MMS22L: variants seen among roughly 807,000 people sequenced by gnomAD.
MMS22L encodes MMS22 like, DNA repair protein.
MMS22L carries 74 observed loss-of-function variants against 159.1 expected under a neutral mutation model. The ratio of observed to expected loss-of-function variants is 0.47; its 90% CI spans 0.39 to 0.56. The LOEUF (loss-of-function observed/expected upper bound fraction) is 0.56. Among genes scored for constraint, MMS22L ranks in the 20% least tolerant of loss-of-function variants. MMS22L has a pLI of 0.00. For synonymous variants in MMS22L, 517 were observed against 506.9 expected, an observed-to-expected ratio of 1.02 and a Z score of -0.27; for missense variants, 1,351 against 1,422.1, an observed-to-expected ratio of 0.95 and a Z score of 0.80.
chr6:97,202,161 G>A (rs925393897), intron 14 of MMS22L, among the ~76,000 whole-genome samples: 4 of 152,092 alleles, frequency 2.6e-5, no homozygotes, highest in Non-Finnish European at 2.9e-5. Context: ...CTAAACAACT[G>A]AGTAATCACT....
Position 97,144,600 on chromosome 6 carries a change from C to T in MMS22L, c.*2206G>A, listed in dbSNP as rs976580791. The T allele has an allele frequency of 6.6e-6, 1 of 151,996 alleles. No homozygotes were observed. Among genetic ancestry groups the T allele is most frequent in the Non-Finnish European group, 1.5e-5 (1 of 68,010 alleles). The allele number at this position is 151,996 out of a possible 1,614,324, so 9.4% of individuals were successfully genotyped here. On this transcript the variant is annotated 3_prime_UTR_variant, in exon 25 of 25. Coordinates refer to ENST00000683635, the MANE Select transcript of MMS22L (RefSeq NM_001350599.2). ...CCAAAAGACAATGGCTTGTATTACACTGGTAGAAGCAGCAGCCTCAGAAAT... is the reference window on the plus strand; with the variant it reads ...CCAAAAGACAATGGCTTGTATTACATTGGTAGAAGCAGCAGCCTCAGAAAT...
At chr6:97,181,788 A>C in intron 16 of MMS22L, 116 bp downstream of exon 16, 1 of 1,034,340 alleles carries the variant, frequency 9.7e-7, no homozygotes, top group Non-Finnish European at 1.3e-6. Context: ...AAACCTGACA[A>C]AGTGAGAGTA....
intron 12 of MMS22L, among the ~76,000 whole-genome samples, chr6:97,232,356 T>C (rs1810963377): frequency 6.6e-6 from 1 of 152,202 alleles, no homozygotes; most frequent in Admixed American, 6.5e-5. Flanking sequence ...TGGTGACTTC[T>C]AATTCTATCA....
rs376204308 is a variant in MMS22L, at chr6:97,282,283, A to C, written c.164+31T>G. On this transcript the variant is annotated intron_variant, in intron 2 of 24. Transcript: ENST00000683635. Reference sequence around the variant, plus strand: ...TCCTAAAAAACTGGTGAATAATCAGATGAGGGAAAATGTCTCTGAGTTTTA... The same window carrying C: ...TCCTAAAAAACTGGTGAATAATCAGCTGAGGGAAAATGTCTCTGAGTTTTA... 1.6e-5 allele frequency: 26 copies of C among 1,606,166 alleles called. No individual in the cohort carries two copies. The African/African-American group carries it at 3.1e-4, about 19-fold the overall frequency.
intron 14 of MMS22L, among the ~76,000 whole-genome samples, chr6:97,211,316 T>C (rs143658369): frequency 5.7e-4 from 86 of 152,190 alleles, no homozygotes; most frequent in African/African-American, 2.0e-3. Context: ...ACGTAATGTA[T>C]AGAAGATTGA....
intron 16 of MMS22L, among the ~76,000 whole-genome samples, chr6:97,179,905 A>T (rs989385765): frequency 8.5e-5 from 13 of 152,234 alleles, no homozygotes; most frequent in African/African-American, 3.1e-4. Context: ...TGAGATAATA[A>T]TGAAGGAAGT....
intron 9 of MMS22L, chr6:97,259,433 C>T (rs1467956856): frequency 1.3e-5 from 2 of 152,066 alleles, no homozygotes; most frequent in Non-Finnish European, 2.9e-5. Context: ...GGGTGCCATC[C>T]AATCAATTAG....
intron 14 of MMS22L, among the ~76,000 whole-genome samples, chr6:97,200,666 T>C (rs896096851): frequency 2.6e-5 from 4 of 151,848 alleles, no homozygotes; most frequent in African/African-American, 9.7e-5. Context: ...AAGTGGTGAG[T>C]AAAAGACCTG....
intron 10 of MMS22L, among the ~76,000 whole-genome samples, chr6:97,252,494 A>G (rs1813344931): frequency 6.6e-6 from 1 of 151,726 alleles, no homozygotes; most frequent in Admixed American, 6.6e-5. Flanking sequence ...AAAATACAAA[A>G]ATTAGCTGGG....
In MMS22L at chr6:97,228,166, C is replaced by T. The variant is rs1450550517; in HGVS notation, c.2039+728G>A. On this transcript the variant is annotated intron_variant, in intron 14 of 24. Coordinates refer to ENST00000683635, the MANE Select transcript of MMS22L (RefSeq NM_001350599.2). ...ATGCTTCAGTAAAAGCCACCTCAGA[C>T]ATGAGCTCATGATCTTGCTCAGAAT... 7.2e-5 allele frequency among the ~76,000 whole-genome samples: 11 copies of T among 152,300 alleles called. No individual in the cohort carries two copies. In the East Asian group the frequency reaches 1.5e-3, roughly 21 times the overall value.
intron 2 of MMS22L, among the ~76,000 whole-genome samples, 198 bp from the exon 3 acceptor site, chr6:97,281,560 C>T (rs1446576395): frequency 1.3e-5 from 2 of 152,076 alleles, no homozygotes; most frequent in Admixed American, 6.5e-5. Context: ...ATAAAATGTA[C>T]GACTAAAGTG....
chr6:97,278,707 T>C (rs1816474029), intron 4 of MMS22L, 142 bp downstream of exon 4: 1 of 589,548 alleles, frequency 1.7e-6, no homozygotes, highest in Non-Finnish European at 2.9e-6. Flanking sequence ...GTCATACTTT[T>C]CTGAACACTA....
intron 10 of MMS22L, among the ~76,000 whole-genome samples, chr6:97,252,070 G>A (rs1258732811): frequency 6.0e-5 from 9 of 149,034 alleles, no homozygotes; most frequent in Non-Finnish European, 1.0e-4. Context: ...GCGACAGAGC[G>A]AGACTCCATC....
chr6:97,204,212 G>A (rs755378507), intron 14 of MMS22L, among the ~76,000 whole-genome samples: 1 of 152,166 alleles, frequency 6.6e-6, no homozygotes, highest in Non-Finnish European at 1.5e-5. Flanking sequence ...ACATTGTTAA[G>A]TGTTTCAAAG....
chr6:97,197,912 C>A (rs1040774881), intron 14 of MMS22L, among the ~76,000 whole-genome samples: 20 of 152,126 alleles, frequency 1.3e-4, no homozygotes, highest in African/African-American at 4.3e-4. Flanking sequence ...AATCCTCCCC[C>A]ACCCTGCATC....
intron 10 of MMS22L, 42 bp downstream of exon 10, chr6:97,254,515 T>G: frequency 6.6e-7 from 1 of 1,508,204 alleles, no homozygotes; most frequent in South Asian, 1.2e-5. Context: ...AATTACATAT[T>G]AATTGACAAT....
At chr6:97,202,464 A>C (rs1384807491) in intron 14 of MMS22L, among the ~76,000 whole-genome samples, 1 of 152,162 alleles carries the variant, frequency 6.6e-6, no homozygotes, top group African/African-American at 2.4e-5. Flanking sequence ...TATGGGAGGG[A>C]TCCTATGCAT....
At chr6:97,255,515 C>T (rs1404091265) in intron 9 of MMS22L, among the ~76,000 whole-genome samples, 3 of 151,380 alleles carry the variant, frequency 2.0e-5, no homozygotes, top group African/African-American at 7.3e-5. Flanking sequence ...TTCCTTTTAC[C>T]TTCTTTGGAT....
Position 97,263,338 on chromosome 6 carries a change from C to G in MMS22L, c.939G>C (p.Ser313=). ...ACACATCAATTTTCCAACTTACTTC[C>G]GAGACAAACCATTTACTTCTGTGGT... ...LLDHRSKWFV[S]ESFWNWLNKL... is the part of the protein sequence containing the mutation. The change falls in exon 9 of 25, where the codon TCG becomes TCC. Residue 313 remains serine (S), a synonymous_variant. Coordinates refer to ENST00000683635, the MANE Select transcript of MMS22L (RefSeq NM_001350599.2). The G allele has an allele frequency of 6.4e-7, 1 of 1,571,996 alleles. No homozygotes were observed. Among genetic ancestry groups the G allele is most frequent in the Admixed American group, 1.9e-5 (1 of 52,342 alleles).
Sources: gnomAD v4.1 joint callset for allele counts (sites outside exome capture counted in the v4.1 genomes callset) on GRCh38, gnomAD v4.1.1 for gene constraint, MANE v1.5 for transcripts, NCBI Gene and HGNC (gene_info 2026-07-23, HGNC 2026-07-21) for gene names.